DOCK4: variants seen among roughly 807,000 people sequenced by gnomAD.
The protein encoded by DOCK4 is dedicator of cytokinesis protein 4.
DOCK4 carries 97 observed loss-of-function variants against 268.1 expected under a neutral mutation model. The ratio of observed to expected loss-of-function variants is 0.36; its 90% CI spans 0.31 to 0.43. The LOEUF (loss-of-function observed/expected upper bound fraction) is 0.43, where lower values mean the gene tolerates loss of function less well. Ranked by LOEUF, DOCK4 falls within the 20% of genes least tolerant of loss-of-function variation. The pLI, the probability that DOCK4 is intolerant of heterozygous loss-of-function variation, is 1.00. For missense variants in DOCK4, 2,145 were observed against 2,455.7 expected (o/e 0.87, Z 2.67); for synonymous variants, 954 against 887.2 (o/e 1.08, Z -1.34).
chr7:111,815,859 T>G (rs1044538444), intron 27 of DOCK4, among the ~76,000 whole-genome samples: 34 of 152,008 alleles, frequency 2.2e-4, no homozygotes, highest in African/African-American at 8.0e-4. Flanking sequence ...TTAGTTAAAA[T>G]GGGGTTTTGC....
chr7:111,999,477 A>C (rs1403996539), intron 3 of DOCK4, among the ~76,000 whole-genome samples: 2 of 152,092 alleles, frequency 1.3e-5, no homozygotes, highest in African/African-American at 4.8e-5. Flanking sequence ...TAACAGAGAA[A>C]TCATACTAAG....
At chr7:112,053,060 A>G (rs1176587947) in intron 1 of DOCK4, among the ~76,000 whole-genome samples, 1 of 152,208 alleles carries the variant, frequency 6.6e-6, no homozygotes, top group East Asian at 1.9e-4. Flanking sequence ...TCATTCTTTC[A>G]AAGAACAAAC....
In DOCK4 at chr7:111,741,671, T is replaced by A; in HGVS notation, c.4798-10A>T. ...TACAAGCAGAGAACTCCTAAAGATG[T>A]AGTAAAGGAAATATCTCATTACAGT... On this transcript the variant is annotated splice_polypyrimidine_tract_variant and intron_variant, in intron 45 of 52. Coordinates refer to ENST00000428084, the MANE Select transcript of DOCK4 (RefSeq NM_001363540.2). 1 of 1,611,152 alleles carries A rather than the reference T, an allele frequency of 6.2e-7. No individual in the cohort carries two copies. The highest frequency in any genetic ancestry group is 8.5e-7 in the Non-Finnish European group (1 of 1,179,048).
chr7:112,200,284 C>A (rs896240014), intron 1 of DOCK4, among the ~76,000 whole-genome samples: 4 of 151,864 alleles, frequency 2.6e-5, no homozygotes, highest in African/African-American at 9.7e-5. Flanking sequence ...TGGGGTGGTA[C>A]TGGGGGATAT....
At chr7:111,781,659 G>A (rs1437326884) in intron 35 of DOCK4, among the ~76,000 whole-genome samples, 1 of 152,082 alleles carries the variant, frequency 6.6e-6, no homozygotes, top group African/African-American at 2.4e-5. Context: ...GGAGGCAGTG[G>A]GTGTGATAAA....
intron 1 of DOCK4, among the ~76,000 whole-genome samples, chr7:112,052,210 A>C (rs754550151): frequency 9.2e-5 from 14 of 152,166 alleles, no homozygotes; most frequent in Non-Finnish European, 1.9e-4. Context: ...AATTTTTATA[A>C]AATATTTTTG....
intron 1 of DOCK4, among the ~76,000 whole-genome samples, chr7:112,123,083 A>T (rs1049861868): frequency 1.3e-5 from 2 of 152,242 alleles, no homozygotes; most frequent in African/African-American, 2.4e-5. Flanking sequence ...CTGGCAAAAT[A>T]GCAGGGAGAG....
chr7:111,902,107 T>G (rs1261879221), intron 13 of DOCK4, among the ~76,000 whole-genome samples: 1 of 152,172 alleles, frequency 6.6e-6, no homozygotes, highest in African/African-American at 2.4e-5. Flanking sequence ...ATTTTATTTA[T>G]GAGGTGTGAT....
At chr7:112,205,772 GACACACACAC>G (rs35579043) in intron 1 of DOCK4, among the ~76,000 whole-genome samples, 1 of 148,852 alleles carries the variant, frequency 6.7e-6, no homozygotes, top group South Asian at 2.1e-4. Context: ...CTTCCAACTT[GACACACACAC>G]ACACACACAC....
At chr7:111,964,691 G>T (rs1249033902) in intron 8 of DOCK4, among the ~76,000 whole-genome samples, 2 of 107,146 alleles carry the variant, frequency 1.9e-5, no homozygotes, top group Non-Finnish European at 3.6e-5. Flanking sequence ...TTCAGATTCA[G>T]GAAATACAGA....
intron 8 of DOCK4, chr7:111,971,266 G>T (rs775503104): frequency 9.5e-5 from 15 of 158,522 alleles, no homozygotes; most frequent in Non-Finnish European, 1.4e-4. Context: ...TTCCAGCTTG[G>T]GAATGTGAGC....
Position 111,940,229 on chromosome 7 carries a change from T to C in DOCK4, c.858A>G (p.Ala286=). 1 of 1,614,030 alleles carries C rather than the reference T, an allele frequency of 6.2e-7. No homozygotes were observed. Among genetic ancestry groups the C allele is most frequent in the Non-Finnish European group, 8.5e-7 (1 of 1,179,890 alleles). The change falls in exon 11 of 53, where the codon GCA becomes GCG. Residue 286 remains alanine, a synonymous_variant. Transcript: ENST00000428084. ...CACTACAGGCATTCTTTTTTTCTCCTGCTCCCATTCGACCTGTTCAATTAA... is the reference window on the plus strand; with the variant it reads ...CACTACAGGCATTCTTTTTTTCTCCCGCTCCCATTCGACCTGTTCAATTAA... The part of the protein sequence containing the change: ...VHIIRIGRMG[A]GEKKNACSVQ...
At chr7:111,754,423 T>TTGAC (rs1325583362) in intron 42 of DOCK4, among the ~76,000 whole-genome samples, 1 of 152,230 alleles carries the variant, frequency 6.6e-6, no homozygotes, top group Non-Finnish European at 1.5e-5. Context: ...TTCTTCTGGA[T>TTGAC]TGACAGAATA....
chr7:111,738,485 C>A (rs1253559363), intron 49 of DOCK4, among the ~76,000 whole-genome samples: 1 of 152,246 alleles, frequency 6.6e-6, no homozygotes, highest in African/African-American at 2.4e-5. Context: ...TTCCCCCAGA[C>A]TTCTGTTACA....
In DOCK4 at chr7:111,791,786, C is replaced by T. The variant is rs1391062534; in HGVS notation, c.3167-1181G>A. On this transcript the variant is annotated intron_variant, in intron 30 of 52. Coordinates refer to ENST00000428084, the MANE Select transcript of DOCK4 (RefSeq NM_001363540.2). ...ATAGAGATGGAGTCTCACAACATTGCCTTGAATTCCTGGGCTCAAGCCATC... is the reference window on the plus strand; with the variant it reads ...ATAGAGATGGAGTCTCACAACATTGTCTTGAATTCCTGGGCTCAAGCCATC... 5.9e-5 allele frequency among the ~76,000 whole-genome samples: 9 copies of T among 152,020 alleles called. No homozygotes were observed. The East Asian group carries it at 1.5e-3, about 26-fold the overall frequency.
intron 8 of DOCK4, 30 bp downstream of exon 8, chr7:111,977,102 C>T (rs781712348): frequency 1.2e-6 from 2 of 1,610,716 alleles, no homozygotes; most frequent in Non-Finnish European, 1.7e-6. Flanking sequence ...AACATTAAGA[C>T]ATTGAAACCC....
intron 16 of DOCK4, among the ~76,000 whole-genome samples, chr7:111,878,195 A>G (rs1210149668): frequency 6.6e-6 from 1 of 152,226 alleles, no homozygotes; most frequent in Non-Finnish European, 1.5e-5. Context: ...GGATTGTTCT[A>G]GATTAAACAA....
intron 8 of DOCK4, among the ~76,000 whole-genome samples, chr7:111,957,628 C>A (rs113064881): frequency 0.012 from 1,820 of 152,178 alleles, 18 homozygotes; most frequent in Non-Finnish European, 0.02. Context: ...AATCTCGAAT[C>A]GTCTTACAAC....
chr7:112,096,789 G>A (rs1288536772), intron 1 of DOCK4, among the ~76,000 whole-genome samples: 4 of 152,152 alleles, frequency 2.6e-5, no homozygotes, highest in Admixed American at 1.3e-4. Flanking sequence ...CCAGTGAGAC[G>A]ATAAGGAATG....
Sources: gnomAD v4.1 joint callset for allele counts (sites outside exome capture counted in the v4.1 genomes callset) on GRCh38, gnomAD v4.1.1 for gene constraint, MANE v1.5 for transcripts, NCBI Gene and HGNC (gene_info 2026-07-23, HGNC 2026-07-21) for gene names.